PARD3B: variants seen among roughly 807,000 people sequenced by gnomAD.
PARD3B encodes the protein partitioning defective 3 homolog B.
Under a neutral mutation model 130.2 loss-of-function variants are expected in PARD3B, and 103 were observed. That is an observed-to-expected ratio of 0.79 (90% CI 0.67 to 0.93). The LOEUF (loss-of-function observed/expected upper bound fraction) is 0.93, where lower values mean the gene tolerates loss of function less well. Among genes scored for constraint, PARD3B ranks in the 40% least tolerant of loss-of-function variants. The probability of loss-of-function intolerance (pLI) is 0.00; values close to 1 mark genes in which losing one functional copy is unlikely to be tolerated. For synonymous variants in PARD3B, 583 were observed against 553.2 expected, an observed-to-expected ratio of 1.05 and a Z score of -0.76; for missense variants, 1,609 against 1,499.2, an observed-to-expected ratio of 1.07 and a Z score of -1.21.
chr2:204,637,933 G>A (rs1007380259), intron 1 of PARD3B, among the ~76,000 whole-genome samples: 2 of 152,094 alleles, frequency 1.3e-5, no homozygotes, highest in African/African-American at 2.4e-5. Context: ...TGACAGAAAG[G>A]TGGTGGTTGT....
At chr2:204,915,096 C>A (rs2047393803) in intron 2 of PARD3B, among the ~76,000 whole-genome samples, 1 of 152,142 alleles carries the variant, frequency 6.6e-6, no homozygotes, top group Admixed American at 6.5e-5. Context: ...CTTACTGTAC[C>A]TCTAAGAGGA....
At chr2:204,597,752 G>A (rs930289235) in intron 1 of PARD3B, among the ~76,000 whole-genome samples, 1 of 152,158 alleles carries the variant, frequency 6.6e-6, no homozygotes, top group South Asian at 2.1e-4. Flanking sequence ...TGAATGAATG[G>A]AAATACTCCA....
intron 1 of PARD3B, among the ~76,000 whole-genome samples, chr2:204,655,908 G>C (rs560543375): frequency 3.0e-4 from 45 of 152,226 alleles, no homozygotes; most frequent in Non-Finnish European, 4.7e-4. Context: ...GATCTTGTCT[G>C]GGCCCTTTCA....
chr2:204,822,412 A>T (rs2043396422), intron 2 of PARD3B, among the ~76,000 whole-genome samples: 1 of 152,198 alleles, frequency 6.6e-6, no homozygotes, highest in Non-Finnish European at 1.5e-5. Context: ...TGAAATGACA[A>T]CGCAGGATTT....
At chr2:205,303,410 A>T (rs769552792) in intron 18 of PARD3B, among the ~76,000 whole-genome samples, 21 of 152,226 alleles carry the variant, frequency 1.4e-4, no homozygotes, top group Admixed American at 3.3e-4. Context: ...TATTTCCCTA[A>T]GCCTCTGACC....
At position 205,591,587 on chromosome 2, in the gene PARD3B, A is replaced by T. The variant is rs1260652532; in HGVS notation, c.3261-23869A>T. 1.3e-5 allele frequency among the ~76,000 whole-genome samples: 2 copies of T among 152,184 alleles called. No individual in the cohort carries two copies. The highest frequency in any genetic ancestry group is 2.9e-5 in the Non-Finnish European group (2 of 68,036). On this transcript the variant is annotated intron_variant, in intron 22 of 22. Coordinates refer to ENST00000406610, the MANE Select transcript of PARD3B (RefSeq NM_001302769.2). This position sits in a 1 kb window ranked among gnomAD's most constrained non-coding sequence, Gnocchi z 4.2. ...AAGAAACAGACTGTCTTACAGAGGA[A>T]ACATTCGTTCATTGGAAACCCAGAA...
chr2:205,258,940 T>C lies in PARD3B; in HGVS notation c.2185+13118T>C, dbSNP rs2040197481. On this transcript the variant is annotated intron_variant, in intron 16 of 22. Coordinates refer to ENST00000406610, the MANE Select transcript of PARD3B (RefSeq NM_001302769.2). This position sits in a 1 kb window ranked among gnomAD's most constrained non-coding sequence, Gnocchi z 4.9. ...GAATTGCTTTTTAATCCCATTTTTT[T>C]CTGATAGTGATTTGAAAATTATACA... Among the ~76,000 whole-genome samples the C allele has an allele frequency of 6.6e-6, 1 of 152,196 alleles. No individual in the cohort carries two copies. Among genetic ancestry groups the C allele is most frequent in the Non-Finnish European group, 1.5e-5 (1 of 68,030 alleles).
chr2:205,567,311 T>G (rs1198575589), intron 22 of PARD3B, among the ~76,000 whole-genome samples: 3 of 113,708 alleles, frequency 2.6e-5, no homozygotes, highest in African/African-American at 3.4e-5. Context: ...CTTGTTTTTT[T>G]TTTTTTTTTT....
chr2:205,303,003 A>T lies in PARD3B; in HGVS notation c.2630+1302A>T, dbSNP rs113283541. Among the ~76,000 whole-genome samples the T allele has an allele frequency of 1.9e-3, 287 of 152,216 alleles. 3 individuals carry two copies. The highest frequency in any genetic ancestry group is 6.1e-3 in the African/African-American group (255 of 41,528). On this transcript the variant is annotated intron_variant, in intron 18 of 22. Transcript: ENST00000406610. Reference sequence around the variant, plus strand: ...AGCTTTGTTTCTTCTCTCCCCTTCAAGTATAAACTGTTGAGGCTGCCTCTT... The same window carrying T: ...AGCTTTGTTTCTTCTCTCCCCTTCATGTATAAACTGTTGAGGCTGCCTCTT...
chr2:205,036,907 T>C (rs1351346442), intron 3 of PARD3B, among the ~76,000 whole-genome samples: 2 of 150,696 alleles, frequency 1.3e-5, no homozygotes, highest in Non-Finnish European at 3.0e-5. Context: ...AGAACATATA[T>C]AGCGGACTGT....
At chr2:205,542,756 T>G (rs573489927) in intron 21 of PARD3B, among the ~76,000 whole-genome samples, 1 of 152,310 alleles carries the variant, frequency 6.6e-6, no homozygotes, top group East Asian at 1.9e-4. Flanking sequence ...TTCCTCACGC[T>G]AAGCAGTTAC....
At chr2:205,511,787 CA>C (rs1477422868) in intron 21 of PARD3B, among the ~76,000 whole-genome samples, 1 of 152,150 alleles carries the variant, frequency 6.6e-6, no homozygotes, top group Non-Finnish European at 1.5e-5. Context: ...TTAAATTTGA[CA>C]ACAATTAAAA....
intron 4 of PARD3B, among the ~76,000 whole-genome samples, chr2:205,074,672 G>A (rs971783979): frequency 2.6e-5 from 4 of 152,190 alleles, no homozygotes; most frequent in South Asian, 2.1e-4. Context: ...CAATGTTCTC[G>A]ATCATTGTGC....
At chr2:204,796,890 A>G (rs76195492) in intron 2 of PARD3B, among the ~76,000 whole-genome samples, 1 of 152,244 alleles carries the variant, frequency 6.6e-6, no homozygotes, top group South Asian at 2.1e-4. Context: ...TAAACTATTC[A>G]TTAGATTAAG....
intron 4 of PARD3B, among the ~76,000 whole-genome samples, chr2:205,083,088 T>G (rs1233367760): frequency 3.3e-5 from 5 of 151,864 alleles, no homozygotes; most frequent in African/African-American, 1.2e-4. Flanking sequence ...CCTGGCTAAT[T>G]TTTTGTATTT....
Position 204,715,344 on chromosome 2 carries a change from G to C in PARD3B, c.222+29062G>C, listed in dbSNP as rs187140432. Among the ~76,000 whole-genome samples, 72 of 152,162 alleles carry C rather than the reference G, an allele frequency of 4.7e-4. 1 individual carries two copies. Among genetic ancestry groups the C allele is most frequent in the African/African-American group, 1.7e-3 (72 of 41,528 alleles). ...AAAATTCTTTTTAAAATGTATTCTT[G>C]AAAACCATTCATTTTTGTAGTGGGT... On this transcript the variant is annotated intron_variant, in intron 2 of 22. Coordinates refer to ENST00000406610, the MANE Select transcript of PARD3B (RefSeq NM_001302769.2).
At chr2:204,584,900 A>G (rs2032749533) in intron 1 of PARD3B, among the ~76,000 whole-genome samples, 1 of 152,134 alleles carries the variant, frequency 6.6e-6, no homozygotes, top group Admixed American at 6.6e-5. Context: ...GAAAAGGCAA[A>G]CTCCAAATGG....
intron 2 of PARD3B, among the ~76,000 whole-genome samples, chr2:204,876,497 A>G (rs756961839): frequency 6.6e-6 from 1 of 152,214 alleles, no homozygotes; most frequent in Non-Finnish European, 1.5e-5. Context: ...GAAGTGACAG[A>G]CACCCCATGC....
intron 2 of PARD3B, among the ~76,000 whole-genome samples, chr2:204,821,035 A>G (rs959063143): frequency 6.6e-6 from 1 of 152,158 alleles, no homozygotes; most frequent in African/African-American, 2.4e-5. Flanking sequence ...TCAAAATATT[A>G]CTATTCATTG....
Sources: gnomAD v4.1 joint callset for allele counts (sites outside exome capture counted in the v4.1 genomes callset) on GRCh38, gnomAD v4.1.1 for gene constraint, Gnocchi (gnomAD v3.1) non-coding constraint, MANE v1.5 for transcripts, NCBI Gene and HGNC (gene_info 2026-07-23, HGNC 2026-07-21) for gene names.